RMDN1: variants seen among roughly 807,000 people sequenced by gnomAD.
RMDN1 encodes regulator of microtubule dynamics 1, also known as regulator of microtubule dynamics protein 1.
A neutral mutation model predicts 48.9 loss-of-function variants in RMDN1; 48 were observed. That is an observed-to-expected ratio of 0.98 (90% confidence interval 0.78 to 1.25). The LOEUF is 1.25. Ranked by LOEUF, RMDN1 falls within the 50% of genes most tolerant of loss-of-function variation. The probability of loss-of-function intolerance (pLI) is 0.00; values close to 1 mark genes in which losing one functional copy is unlikely to be tolerated. For synonymous variants in RMDN1, 148 were observed against 132.6 expected (o/e 1.12, Z -0.80); for missense variants, 418 against 373.4 (o/e 1.12, Z -0.98).
At chr8:86,505,633 T>A (rs1819196079) in intron 2 of RMDN1, among the ~76,000 whole-genome samples, 1 of 152,210 alleles carries the variant, frequency 6.6e-6, no homozygotes, top group African/African-American at 2.4e-5. Flanking sequence ...ACATGTCCCA[T>A]GATGGAAATG....
chr8:86,486,754 A>G, intron 3 of RMDN1, 111 bp from the exon 4 acceptor site: 1 of 694,444 alleles, frequency 1.4e-6, no homozygotes, highest in Non-Finnish European at 2.1e-6. Context: ...AGCTAGCAAC[A>G]TGATATCAAA....
chr8:86,494,321 CG>C (rs1816969529), intron 2 of RMDN1, among the ~76,000 whole-genome samples: 2 of 151,846 alleles, frequency 1.3e-5, no homozygotes, highest in African/African-American at 4.8e-5. Flanking sequence ...TTTGGGAGGC[CG>C]GGGTGGGCAG....
rs1282138934 is a variant in RMDN1 at position 86,473,113 on chromosome 8, C to CTT, written c.*1194_*1195insAA. On this transcript the variant is annotated 3_prime_UTR_variant, in exon 10 of 10. Coordinates refer to ENST00000406452, the MANE Select transcript of RMDN1 (RefSeq NM_016033.3). ...AACCTATATAGCAAAATCACTGAATCTAAGAGATGGGTATACAAAGATCAC... is the reference window on the plus strand; with the variant it reads ...AACCTATATAGCAAAATCACTGAATCTTTAAGAGATGGGTATACAAAGATCAC... 1 of 985,082 alleles carries CTT rather than the reference C, an allele frequency of 1.0e-6. No individual in the cohort carries two copies. The highest frequency in any genetic ancestry group is 1.7e-5 in the African/African-American group (1 of 57,226). 61.0% of individuals were successfully genotyped at this position (985,082 alleles called of 1,614,324 possible). A position where few individuals can be genotyped will look rare whatever the true frequency, so the allele number is the denominator to read the frequency against.
At chr8:86,502,195 G>T (rs1818356639) in intron 2 of RMDN1, among the ~76,000 whole-genome samples, 1 of 152,022 alleles carries the variant, frequency 6.6e-6, no homozygotes, top group African/African-American at 2.4e-5. Context: ...CTAATATACA[G>T]AAATTTTGGC....
chr8:86,504,043 A>T, intron 2 of RMDN1: 1 of 813,852 alleles, frequency 1.2e-6, no homozygotes, highest in South Asian at 1.3e-5. Flanking sequence ...TACCTTTGGC[A>T]CTCTCAACCA....
chr8:86,498,291 C>A (rs1817693720), intron 2 of RMDN1, among the ~76,000 whole-genome samples: 1 of 151,514 alleles, frequency 6.6e-6, no homozygotes, highest in African/African-American at 2.4e-5. Flanking sequence ...AGAAAAAGCC[C>A]TGGACTAGAT....
At chr8:86,480,926 G>T (rs1814295114) in intron 5 of RMDN1, among the ~76,000 whole-genome samples, 1 of 151,954 alleles carries the variant, frequency 6.6e-6, no homozygotes, top group Non-Finnish European at 1.5e-5. Context: ...ATAATTATGT[G>T]CAATGTAAAA....
At chr8:86,481,695 C>T in intron 5 of RMDN1, 5 of 481,028 alleles carry the variant, frequency 1.0e-5, no homozygotes, top group Non-Finnish European at 1.8e-5. Context: ...CTTGCTGGCC[C>T]CACCAATGGT....
chr8:86,469,091 C>T (rs1482104032), downstream of RMDN1, among the ~76,000 whole-genome samples: 1 of 150,636 alleles, frequency 6.6e-6, no homozygotes, highest in Non-Finnish European at 1.5e-5. Context: ...TCTGTTAGAT[C>T]AGTTAAGCAA....
At chr8:86,489,703 G>T (rs886920765) in intron 2 of RMDN1, among the ~76,000 whole-genome samples, 1 of 151,900 alleles carries the variant, frequency 6.6e-6, no homozygotes, top group Admixed American at 6.6e-5. Flanking sequence ...GATGGCGTGC[G>T]CCTGTAATCC....
At chr8:86,470,749 ATTATG>A (rs1249596041), downstream of RMDN1, among the ~76,000 whole-genome samples, 1 of 152,202 alleles carries the variant, frequency 6.6e-6, no homozygotes, top group African/African-American at 2.4e-5. Context: ...TCTCAAGGGA[ATTATG>A]TTGAGTGAAA....
chr8:86,509,802 GTA>G (rs1160788138), upstream of RMDN1, among the ~76,000 whole-genome samples: 1 of 152,078 alleles, frequency 6.6e-6, no homozygotes, highest in East Asian at 1.9e-4. Flanking sequence ...TAAATCAGCT[GTA>G]TTTCTTTAGG....
Position 86,473,062 on chromosome 8 carries a change from C to G in RMDN1, c.*1246G>C. ...CAAATCCAAGATGCTTCTACTAGTC[C>G]CAAGTATTTCAGATAAGGGATACAC... On this transcript the variant is annotated 3_prime_UTR_variant, in exon 10 of 10. Transcript: ENST00000406452. 1.0e-6 allele frequency: 1 copy of G among 957,298 alleles called. No homozygotes were observed. The highest frequency in any genetic ancestry group is 1.2e-6 in the Non-Finnish European group (1 of 804,672). 59.3% of individuals were successfully genotyped at this position (957,298 alleles called of 1,614,324 possible).
intron 6 of RMDN1, among the ~76,000 whole-genome samples, chr8:86,479,539 TG>T (rs928445045): frequency 6.6e-5 from 10 of 152,232 alleles, no homozygotes; most frequent in Non-Finnish European, 1.2e-4. Context: ...GACTAGGGTC[TG>T]AAGTCCTTAA....
chr8:86,486,632 T>C lies in RMDN1; in HGVS notation c.347A>G (p.Glu116Gly). Residue 116 changes from glutamate (E) to glycine (G), a missense_variant, in exon 4 of 10, where the codon GAG becomes GGG. Glu to Gly is a moderately conservative substitution (Grantham distance 98). Coordinates refer to ENST00000406452, the MANE Select transcript of RMDN1 (RefSeq NM_016033.3). ...LTQYKESEDA[E>G]LLWRLARASR... ...TGCCCGTGCCAAACGCCACAGTAACTCTGCATCTTCACTAATTTGAAATAA... is the reference window on the plus strand; with the variant it reads ...TGCCCGTGCCAAACGCCACAGTAACCCTGCATCTTCACTAATTTGAAATAA... The C allele has an allele frequency of 6.3e-7, 1 of 1,582,118 alleles. No homozygotes were observed. The highest frequency in any genetic ancestry group is 1.9e-5 in the Admixed American group (1 of 52,482).
chr8:86,470,875 G>A (rs1032458263), downstream of RMDN1, among the ~76,000 whole-genome samples: 2 of 152,118 alleles, frequency 1.3e-5, no homozygotes, highest in African/African-American at 2.4e-5. Flanking sequence ...GTGGGGGAGA[G>A]GAGGAGGTAG....
chr8:86,478,892 C>T (rs753751486), intron 7 of RMDN1, 31 bp downstream of exon 7: 27 of 1,538,346 alleles, frequency 1.8e-5, no homozygotes, highest in South Asian at 1.3e-4. Flanking sequence ...TTAAGAAATC[C>T]GTACTAACTT....
At chr8:86,507,441 A>C (rs1819562928) in intron 1 of RMDN1, among the ~76,000 whole-genome samples, 1 of 152,226 alleles carries the variant, frequency 6.6e-6, no homozygotes, top group African/African-American at 2.4e-5. Flanking sequence ...ACATAATAAA[A>C]ATGAATCTTA....
downstream of RMDN1, among the ~76,000 whole-genome samples, chr8:86,471,942 A>C (rs1812625117): frequency 1.3e-5 from 2 of 152,224 alleles, no homozygotes; most frequent in Non-Finnish European, 1.5e-5. Context: ...ATCAAATGCA[A>C]TGTATAATCT....
Sources: gnomAD v4.1 joint callset for allele counts (sites outside exome capture counted in the v4.1 genomes callset) on GRCh38, gnomAD v4.1.1 for gene constraint, MANE v1.5 for transcripts, NCBI Gene and HGNC (gene_info 2026-07-23, HGNC 2026-07-21) for gene names.